The following PTPN4 variants were observed in gnomAD, a reference collection of about 807,000 sequenced individuals.
PTPN4 encodes tyrosine-protein phosphatase non-receptor type 4.
In PTPN4, 49 loss-of-function variants were observed where a neutral mutation model predicts 135.5. The observed-to-expected ratio is 0.36, with a 90% CI of 0.29 to 0.46. The LOEUF is 0.46. Among genes scored for constraint, PTPN4 ranks in the 20% least tolerant of loss-of-function variants. The probability of loss-of-function intolerance (pLI) is 1.00; values close to 1 mark genes in which losing one functional copy is unlikely to be tolerated. For synonymous variants in PTPN4, 333 were observed against 369.9 expected (o/e 0.90, Z 1.14); for missense variants, 860 against 1,101.0 (o/e 0.78, Z 3.10).
intron 16 of PTPN4, among the ~76,000 whole-genome samples, chr2:119,945,610 TTAAAAA>T (rs1243073547): frequency 5.2e-5 from 1 of 19,054 alleles, no homozygotes; most frequent in South Asian, 1.5e-3. Context: ...ATAATAAAAA[TTAAAAA>T]TAAAAATAAC....
intron 1 of PTPN4, among the ~76,000 whole-genome samples, chr2:119,785,395 T>C (rs1182337079): frequency 1.3e-5 from 2 of 152,218 alleles, no homozygotes; most frequent in Non-Finnish European, 2.9e-5. Context: ...GTGAGAGAAA[T>C]GCTGATATAG....
chr2:119,932,286 A>C (rs1678918182), intron 13 of PTPN4, 138 bp from the exon 14 acceptor site: 4 of 806,592 alleles, frequency 5.0e-6, no homozygotes, highest in Non-Finnish European at 7.4e-6. Context: ...TAGCCTCTAA[A>C]TGCATTAATT....
chr2:119,778,978 C>G (rs951791732), intron 1 of PTPN4, among the ~76,000 whole-genome samples: 2 of 152,052 alleles, frequency 1.3e-5, no homozygotes, highest in African/African-American at 4.8e-5. Context: ...TGCATAATGA[C>G]TTCTATATAA....
chr2:119,966,772 T>A (rs1679451306), intron 25 of PTPN4, among the ~76,000 whole-genome samples: 1 of 152,206 alleles, frequency 6.6e-6, no homozygotes, highest in African/African-American at 2.4e-5. Flanking sequence ...CTAAAAGCTT[T>A]AAGTAAACAG....
chr2:119,959,752 A>G (rs941515414), intron 22 of PTPN4, among the ~76,000 whole-genome samples: 1 of 152,204 alleles, frequency 6.6e-6, no homozygotes, highest in African/African-American at 2.4e-5. Context: ...AACTATAGAT[A>G]TTCTCCCTAA....
chr2:119,942,075 T>C (rs1180007684), intron 15 of PTPN4, among the ~76,000 whole-genome samples: 2 of 152,352 alleles, frequency 1.3e-5, no homozygotes, highest in East Asian at 3.9e-4. Context: ...ATAAAAACAA[T>C]GAATGGTCCA....
At chr2:119,898,758 G>A (rs552702769) in intron 9 of PTPN4, among the ~76,000 whole-genome samples, 22 of 152,230 alleles carry the variant, frequency 1.4e-4, no homozygotes, top group African/African-American at 5.3e-4. Context: ...TATAATACTT[G>A]TTCTCTCGTT....
intron 1 of PTPN4, among the ~76,000 whole-genome samples, chr2:119,804,675 A>G (rs975528425): frequency 5.3e-5 from 8 of 152,180 alleles, no homozygotes; most frequent in African/African-American, 1.9e-4. Context: ...AATCTAGTCT[A>G]TCATAGATGA....
intron 1 of PTPN4, among the ~76,000 whole-genome samples, chr2:119,787,397 G>A (rs1691065118): frequency 6.6e-6 from 1 of 152,240 alleles, no homozygotes; most frequent in East Asian, 1.9e-4. Context: ...ACACTTTAAT[G>A]TTTAAGTAGT....
chr2:119,950,689 C>T (rs1368604207), intron 18 of PTPN4, among the ~76,000 whole-genome samples: 1 of 152,186 alleles, frequency 6.6e-6, no homozygotes, highest in Non-Finnish European at 1.5e-5. Context: ...TCCTTCTCAA[C>T]CTGGCCTATC....
intron 1 of PTPN4, among the ~76,000 whole-genome samples, chr2:119,776,366 G>A (rs1024737285): frequency 3.3e-5 from 5 of 151,938 alleles, no homozygotes; most frequent in Admixed American, 3.3e-4. Context: ...TAGTAGAGAC[G>A]GGTTTCACCA....
intron 1 of PTPN4, among the ~76,000 whole-genome samples, chr2:119,762,341 C>CTT (rs536273409): frequency 6.8e-6 from 1 of 147,422 alleles, no homozygotes; most frequent in African/African-American, 2.5e-5. Context: ...AACTTTTCAG[C>CTT]TTTTTTTTTT....
At chr2:119,931,437 T>C (rs866331861) in intron 13 of PTPN4, among the ~76,000 whole-genome samples, 23 of 133,366 alleles carry the variant, frequency 1.7e-4, no homozygotes, top group African/African-American at 2.7e-4. Context: ...TTCTTTCTTT[T>C]TTTTTTTTTT....
At chr2:119,956,756 T>C (rs907632867) in intron 20 of PTPN4, 88 bp from the exon 21 acceptor site, 2 of 1,568,500 alleles carry the variant, frequency 1.3e-6, no homozygotes, top group South Asian at 2.4e-5. Flanking sequence ...GAAACCTGTT[T>C]CCTGTTAGTG....
chr2:119,861,734 C>T (rs1677763027), intron 2 of PTPN4, among the ~76,000 whole-genome samples: 1 of 151,954 alleles, frequency 6.6e-6, no homozygotes, highest in African/African-American at 2.4e-5. Context: ...GATCATTTGT[C>T]TGTTTTTACT....
At chr2:119,922,998 A>C (rs1221392345) in intron 12 of PTPN4, among the ~76,000 whole-genome samples, 1 of 152,160 alleles carries the variant, frequency 6.6e-6, no homozygotes. Context: ...AATATGTAAT[A>C]ATGTTGCTTC....
chr2:119,781,274 G>A (rs751412234), intron 1 of PTPN4, among the ~76,000 whole-genome samples: 1 of 152,154 alleles, frequency 6.6e-6, no homozygotes, highest in Non-Finnish European at 1.5e-5. Context: ...AGTAGGTTAA[G>A]TATATTCAGT....
At chr2:119,913,083 A>C (rs1415993325) in intron 10 of PTPN4, among the ~76,000 whole-genome samples, 2 of 152,068 alleles carry the variant, frequency 1.3e-5, no homozygotes, top group African/African-American at 4.8e-5. Context: ...ATTGCTGAAT[A>C]ATTTTCCATT....
chr2:119,884,655 A>C (rs891816064), intron 8 of PTPN4, among the ~76,000 whole-genome samples: 5 of 152,136 alleles, frequency 3.3e-5, no homozygotes, highest in Non-Finnish European at 7.3e-5. Context: ...TAATGAAAAG[A>C]CTCTTAAGGA....
Sources: gnomAD v4.1 joint callset for allele counts (sites outside exome capture counted in the v4.1 genomes callset) on GRCh38, gnomAD v4.1.1 for gene constraint, MANE v1.5 for transcripts, NCBI Gene and HGNC (gene_info 2026-07-23, HGNC 2026-07-21) for gene names.